TMEM132B: variants seen among roughly 807,000 people sequenced by gnomAD.
The protein encoded by TMEM132B is transmembrane protein 132B.
In TMEM132B, 18 loss-of-function variants were observed where a neutral mutation model predicts 90.8. That is an observed-to-expected ratio of 0.20 (90% confidence interval 0.14 to 0.29). The LOEUF is 0.29. Among genes scored for constraint, TMEM132B ranks in the 10% least tolerant of loss-of-function variants. TMEM132B has a pLI of 1.00. For missense variants in TMEM132B, 1,096 were observed against 1,326.8 expected (o/e 0.83, Z 2.70); for synonymous variants, 504 against 523.3 (o/e 0.96, Z 0.50).
intron 2 of TMEM132B, among the ~76,000 whole-genome samples, chr12:125,411,371 G>A (rs1055902912): frequency 6.8e-6 from 1 of 147,324 alleles, no homozygotes; most frequent in African/African-American, 2.5e-5. Flanking sequence ...AGGGTGGGGG[G>A]GGGCCTAGGG....
intron 5 of TMEM132B, among the ~76,000 whole-genome samples, chr12:125,613,418 T>A (rs1885911588): frequency 6.6e-6 from 1 of 151,146 alleles, no homozygotes; most frequent in Admixed American, 6.6e-5. Flanking sequence ...ATCTGCCTAT[T>A]TGTTGAATTG....
chr12:125,395,874 C>G (rs1879155315), intron 2 of TMEM132B, among the ~76,000 whole-genome samples: 1 of 152,200 alleles, frequency 6.6e-6, no homozygotes, highest in South Asian at 2.1e-4. Flanking sequence ...TAGACTCTTG[C>G]AGTGCTTATT....
At chr12:125,451,471 T>A (rs1380037786) in intron 3 of TMEM132B, among the ~76,000 whole-genome samples, 1 of 152,200 alleles carries the variant, frequency 6.6e-6, no homozygotes, top group Non-Finnish European at 1.5e-5. Flanking sequence ...ATAAATAGCA[T>A]AAAATATTGA....
At chr12:125,242,447 C>A (rs1233475182) in intron 1 of TMEM132B, among the ~76,000 whole-genome samples, 1 of 152,208 alleles carries the variant, frequency 6.6e-6, no homozygotes, top group Admixed American at 6.5e-5. Context: ...GAAACTGAGG[C>A]CCAGAGAGGT....
intron 1 of TMEM132B, among the ~76,000 whole-genome samples, chr12:125,270,965 G>A (rs549753000): frequency 2.7e-5 from 4 of 145,628 alleles, no homozygotes; most frequent in South Asian, 2.2e-4. Context: ...TTTTTTTCCC[G>A]AAAGAGATAG....
At chr12:125,450,548 T>C (rs541183754) in intron 3 of TMEM132B, among the ~76,000 whole-genome samples, 24 of 152,274 alleles carry the variant, frequency 1.6e-4, no homozygotes, top group African/African-American at 5.8e-4. Context: ...TACAGTAAGA[T>C]ACTGAGGCCC....
chr12:125,264,802 C>A (rs1341131257), intron 1 of TMEM132B, among the ~76,000 whole-genome samples: 1 of 152,244 alleles, frequency 6.6e-6, no homozygotes, highest in Non-Finnish European at 1.5e-5. Flanking sequence ...ATTCTTTTCC[C>A]CTTGCATGAA....
chr12:125,515,464 AAC>A (rs991425930), intron 3 of TMEM132B, among the ~76,000 whole-genome samples: 3 of 136,712 alleles, frequency 2.2e-5, no homozygotes, highest in Admixed American at 7.6e-5. Flanking sequence ...CCCTCACAGA[AAC>A]ACATTCACAC....
rs930759036 is a variant in TMEM132B at position 125,504,881 on chromosome 12, G to A, written c.1107-14558G>A. Among the ~76,000 whole-genome samples the A allele has an allele frequency of 2.6e-5, 4 of 151,828 alleles. No individual in the cohort carries two copies. In the South Asian group the frequency reaches 8.3e-4, roughly 32 times the overall value. On this transcript the variant is annotated intron_variant, in intron 3 of 8. Coordinates refer to ENST00000682704, the MANE Select transcript of TMEM132B (RefSeq NM_001366854.1). ...GCAACCACAACCACTGGAAAATGAG[G>A]GGAGAATGCTGGAAAAAAAAAGATC...
chr12:125,610,711 T>C (rs573799376), intron 5 of TMEM132B, among the ~76,000 whole-genome samples: 30 of 152,020 alleles, frequency 2.0e-4, no homozygotes, highest in South Asian at 2.1e-4. Flanking sequence ...GACAATGCAA[T>C]GGGAGAAAAG....
intron 4 of TMEM132B, among the ~76,000 whole-genome samples, chr12:125,527,718 A>C (rs1203027000): frequency 6.7e-6 from 1 of 150,148 alleles, no homozygotes; most frequent in Admixed American, 6.6e-5. Flanking sequence ...CCACCCATCC[A>C]CCCTTCCATC....
chr12:125,387,362 T>C (rs150477438), intron 2 of TMEM132B, among the ~76,000 whole-genome samples: 1 of 152,330 alleles, frequency 6.6e-6, no homozygotes, highest in African/African-American at 2.4e-5. Context: ...TGGTTGTTTA[T>C]TAATGAAAGA....
intron 3 of TMEM132B, among the ~76,000 whole-genome samples, chr12:125,483,012 G>A (rs1001525244): frequency 2.0e-5 from 3 of 150,040 alleles, no homozygotes; most frequent in African/African-American, 4.9e-5. Context: ...ACCAAACACC[G>A]CATGTTCTCA....
intron 2 of TMEM132B, among the ~76,000 whole-genome samples, chr12:125,367,685 T>C (rs987250171): frequency 6.6e-6 from 1 of 152,174 alleles, no homozygotes; most frequent in Non-Finnish European, 1.5e-5. Flanking sequence ...TCAGAGTGGG[T>C]CTTCCTCTGA....
chr12:125,389,013 T>TAC (rs71447042), intron 2 of TMEM132B, among the ~76,000 whole-genome samples: 16,472 of 140,002 alleles, frequency 0.12, 1,186 homozygotes, highest in East Asian at 0.37. Context: ...ATATTTTCTG[T>TAC]ACACACACAC....
intron 3 of TMEM132B, among the ~76,000 whole-genome samples, chr12:125,455,245 G>A (rs1881262003): frequency 6.6e-6 from 1 of 152,024 alleles, no homozygotes; most frequent in East Asian, 1.9e-4. Context: ...GAGAGGGAAG[G>A]AGAAGAATGC....
chr12:125,236,204 G>C (rs1347260855), intron 1 of TMEM132B, among the ~76,000 whole-genome samples: 1 of 151,972 alleles, frequency 6.6e-6, no homozygotes, highest in African/African-American at 2.4e-5. Context: ...GGAGTGCAGT[G>C]GTGTGATCTT....
chr12:125,260,069 C>T (rs1321873459), intron 1 of TMEM132B, among the ~76,000 whole-genome samples: 1 of 152,148 alleles, frequency 6.6e-6, no homozygotes, highest in Non-Finnish European at 1.5e-5. Context: ...CCACTGGTAT[C>T]CACACTGAAG....
At chr12:125,229,285 C>T (rs1229111999) in intron 1 of TMEM132B, among the ~76,000 whole-genome samples, 1 of 152,188 alleles carries the variant, frequency 6.6e-6, no homozygotes. Flanking sequence ...AATATTTTAA[C>T]ACTTGATCCA....
Sources: gnomAD v4.1 joint callset for allele counts (sites outside exome capture counted in the v4.1 genomes callset) on GRCh38, gnomAD v4.1.1 for gene constraint, MANE v1.5 for transcripts, NCBI Gene and HGNC (gene_info 2026-07-23, HGNC 2026-07-21) for gene names.